PARP6: variants seen among roughly 807,000 people sequenced by gnomAD.
PARP6 encodes the protein protein mono-ADP-ribosyltransferase PARP6.
Under a neutral mutation model 92.0 loss-of-function variants are expected in PARP6, and 27 were observed. The ratio of observed to expected loss-of-function variants is 0.29; its 90% confidence interval spans 0.22 to 0.40. PARP6 has a LOEUF of 0.40. Among genes scored for constraint, PARP6 ranks in the 10% least tolerant of loss-of-function variants. The probability of loss-of-function intolerance (pLI) is 1.00; values close to 1 mark genes in which losing one functional copy is unlikely to be tolerated. For synonymous variants in PARP6, 272 were observed against 281.2 expected (o/e 0.97, Z 0.33); for missense variants, 501 against 784.5 (o/e 0.64, Z 4.32).
chr15:72,265,899 G>C lies in PARP6; in HGVS notation c.174C>G (p.Ile58Met). 1 of 1,608,756 alleles carries C rather than the reference G, an allele frequency of 6.2e-7. No individual in the cohort carries two copies. The highest frequency in any genetic ancestry group is 8.5e-7 in the Non-Finnish European group (1 of 1,175,134). ...KEIYSENSVSIREYGTIDDVD... is the reference protein window; with the variant it reads ...KEIYSENSVSMREYGTIDDVD... The stretch of plus-strand genomic sequence containing the variant: ...CCACCCCTGAAGTAGAGTCCCACCT[G>C]ATGGATACAGAGTTCTCACTGTAGA... Residue 58 changes from isoleucine (I) to methionine (M), a missense_variant and splice_region_variant, in exon 5 of 24, where the codon ATC (isoleucine) becomes ATG (methionine). Around this residue, in one of 4 missense-constraint regions of PARP6, gnomAD observed 291 missense variants for 352.0 expected, o/e 0.83. Transcript: ENST00000569795.
Position 72,260,699 on chromosome 15 carries a change from A to C in PARP6, c.546-11T>G. The C allele has an allele frequency of 6.3e-7, 1 of 1,597,722 alleles. No individual in the cohort carries two copies. Among genetic ancestry groups the C allele is most frequent in the Non-Finnish European group, 8.6e-7 (1 of 1,165,100 alleles). On this transcript the variant is annotated splice_polypyrimidine_tract_variant and intron_variant, in intron 9 of 23. Transcript: ENST00000569795. Reference sequence around the variant, plus strand: ...GGGAAACTGGGAGACCTGCAGAGAGAGAGCAAAGAGAAGTGATAAAACTGG... The same window carrying C: ...GGGAAACTGGGAGACCTGCAGAGAGCGAGCAAAGAGAAGTGATAAAACTGG...
chr15:72,270,970 T>C (rs2141144298), intron 2 of PARP6, 53 bp downstream of exon 2: 1 of 152,336 alleles, frequency 6.6e-6, no homozygotes, highest in Non-Finnish European at 1.5e-5. Flanking sequence ...TGCATGTTTC[T>C]ACACATAGAC....
intron 18 of PARP6, among the ~76,000 whole-genome samples, 158 bp downstream of exon 18, chr15:72,250,686 AC>A (rs1262946186): frequency 6.6e-6 from 1 of 152,212 alleles, no homozygotes; most frequent in Non-Finnish European, 1.5e-5. Context: ...CATTATATGT[AC>A]CTTTTTGTCC....
intron 5 of PARP6, 32 bp from the exon 6 acceptor site, chr15:72,265,505 T>A: frequency 6.6e-7 from 1 of 1,516,532 alleles, no homozygotes; most frequent in Non-Finnish European, 9.2e-7. Context: ...CAGGTGAGAC[T>A]CATTAAGGGA....
At chr15:72,267,048 T>C (rs1460681745) in intron 3 of PARP6, 13 of 528,058 alleles carry the variant, frequency 2.5e-5, no homozygotes, top group Non-Finnish European at 3.7e-5. Context: ...GAGGAAAACA[T>C]CTAGGGAATT....
At chr15:72,271,621 G>A (rs573260250) in intron 1 of PARP6, among the ~76,000 whole-genome samples, 77 of 152,316 alleles carry the variant, frequency 5.1e-4, no homozygotes, top group Non-Finnish European at 8.8e-4. Flanking sequence ...AGTACAGAAG[G>A]ACTGGGATGT....
chr15:72,258,826 T>C (rs946570717), intron 11 of PARP6, among the ~76,000 whole-genome samples: 1 of 152,248 alleles, frequency 6.6e-6, no homozygotes. Context: ...TTTAGGCTGG[T>C]AATGGGACAT....
At position 72,242,080 on chromosome 15, in the gene PARP6, G is replaced by C; in HGVS notation, c.1705+77C>G. 1 of 1,492,236 alleles carries C rather than the reference G, an allele frequency of 6.7e-7. No homozygotes were observed. Among genetic ancestry groups the C allele is most frequent in the Non-Finnish European group, 9.4e-7 (1 of 1,069,108 alleles). 92.4% of individuals were successfully genotyped at this position (1,492,236 alleles called of 1,614,324 possible). A position where few individuals can be genotyped will look rare whatever the true frequency, so the allele number is the denominator to read the frequency against. On this transcript the variant is annotated intron_variant, in intron 22 of 23. Transcript: ENST00000569795. This position sits in a 1 kb window ranked among gnomAD's most constrained non-coding sequence, Gnocchi z 4.3. Reference sequence around the variant, plus strand: ...CCATGCCACTTCAACATCACTCTTGGCCAGATCATGTGCCAAAATTACATC... The same window carrying C: ...CCATGCCACTTCAACATCACTCTTGCCCAGATCATGTGCCAAAATTACATC...
chr15:72,249,446 T>C (rs1465654110), intron 19 of PARP6, 132 bp from the exon 20 acceptor site: 1 of 530,900 alleles, frequency 1.9e-6, no homozygotes, highest in Middle Eastern at 5.0e-4. Context: ...TAAGCACCTA[T>C]TCTCGGAAAG....
At chr15:72,252,148 A>G (rs1229374168) in intron 16 of PARP6, among the ~76,000 whole-genome samples, 2 of 152,216 alleles carry the variant, frequency 1.3e-5, no homozygotes, top group Non-Finnish European at 2.9e-5. Context: ...CTAGGAGAAG[A>G]GCACAGCAAT....
chr15:72,267,379 G>T, intron 3 of PARP6, 96 bp downstream of exon 3: 2 of 1,348,194 alleles, frequency 1.5e-6, no homozygotes, highest in Non-Finnish European at 2.1e-6. Flanking sequence ...TCTTCCAAAA[G>T]GGTAGAAGGG....
chr15:72,253,743 T>G, intron 15 of PARP6: 1 of 662,508 alleles, frequency 1.5e-6, no homozygotes, highest in Non-Finnish European at 2.8e-6. Context: ...TCTCCCTCAT[T>G]TTATGCAATT....
Position 72,258,087 on chromosome 15 carries a change from A to G in PARP6, c.856T>C (p.Cys286Arg), listed in dbSNP as rs1451884931. Residue 286 changes from cysteine (C) to arginine (R), a missense_variant, in exon 12 of 24, where the codon TGT becomes CGT. Coordinates refer to ENST00000569795, the MANE Select transcript of PARP6 (RefSeq NM_001323532.2). The stretch of plus-strand genomic sequence containing the variant: ...ACATGCTGCTCATCACACACCACAC[A>G]GTACTCATTCAATGTTGGAATCCTC... ...EQRIPTLNEY[C>R]VVCDEQHVFQ... 6.2e-7 allele frequency: 1 copy of G among 1,613,912 alleles called. No individual in the cohort carries two copies. The highest frequency in any genetic ancestry group is 8.5e-7 in the Non-Finnish European group (1 of 1,179,864).
intron 11 of PARP6, among the ~76,000 whole-genome samples, chr15:72,258,546 T>G (rs1395835469): frequency 2.0e-5 from 3 of 152,238 alleles, no homozygotes; most frequent in Non-Finnish European, 4.4e-5. Flanking sequence ...AAAGTACTTG[T>G]AATTATAGGC....
chr15:72,264,706 T>C, intron 7 of PARP6, 85 bp from the exon 8 acceptor site: 1 of 1,038,526 alleles, frequency 9.6e-7, no homozygotes, highest in Non-Finnish European at 1.5e-6. Flanking sequence ...CTTCCATACA[T>C]TCTAAAGATC....
intron 8 of PARP6, among the ~76,000 whole-genome samples, chr15:72,263,566 T>G (rs1281890981): frequency 6.6e-6 from 1 of 152,174 alleles, no homozygotes; most frequent in Non-Finnish European, 1.5e-5. Flanking sequence ...CCCTTCCCTA[T>G]TCTCTGGCTT....
chr15:72,257,341 C>T lies in PARP6; in HGVS notation c.999+7G>A. On this transcript the variant is annotated splice_region_variant and intron_variant, in intron 13 of 23. Transcript: ENST00000569795. The stretch of plus-strand genomic sequence containing the variant: ...CAATTCCCCAGCCACGTTTCCCTCC[C>T]CCATACCTCTGCTCCAGTGGCCACC... The T allele has an allele frequency of 1.9e-6, 3 of 1,605,948 alleles. No homozygotes were observed. The highest frequency in any genetic ancestry group is 2.6e-6 in the Non-Finnish European group (3 of 1,172,536).
rs1478576465 is a variant in PARP6, at chr15:72,265,114, G to T, written c.295C>A (p.Arg99=). ...LRTEPIVLRL[R]FSLSQYLDGP... is the part of the protein sequence containing the mutation. ...TCTAGGTACTGGGAGAGAGAAAATC[G>T]CAGCCTCAACACAATAGGTTCTGTC... is the stretch of plus-strand genomic sequence containing the variant. Residue 99 remains arginine, a synonymous_variant, in exon 7 of 24, where the codon CGA becomes AGA. Coordinates refer to ENST00000569795, the MANE Select transcript of PARP6 (RefSeq NM_001323532.2). 1.2e-6 allele frequency: 2 copies of T among 1,613,570 alleles called. No individual in the cohort carries two copies. The highest frequency in any genetic ancestry group is 2.7e-5 in the African/African-American group (2 of 74,994).
intron 20 of PARP6, among the ~76,000 whole-genome samples, chr15:72,247,302 CA>C (rs1404141846): frequency 6.6e-6 from 1 of 151,964 alleles, no homozygotes; most frequent in East Asian, 1.9e-4. Flanking sequence ...GCCTCCTGAC[CA>C]GCTAGGACTT....
Sources: gnomAD v4.1 joint callset for allele counts (sites outside exome capture counted in the v4.1 genomes callset) on GRCh38, gnomAD v4.1.1 for gene constraint, gnomAD v4.1.1 regional missense constraint, Gnocchi (gnomAD v3.1) non-coding constraint, MANE v1.5 for transcripts, NCBI Gene and HGNC (gene_info 2026-07-23, HGNC 2026-07-21) for gene names.